Variants in ST6GALNAC3 observed in about 807,000 individuals in gnomAD.
The protein encoded by ST6GALNAC3 is ST6 N-acetylgalactosaminide alpha-2,6-sialyltransferase 3, also known as alpha-N-acetylgalactosaminide alpha-2,6-sialyltransferase 3.
A neutral mutation model predicts 32.7 loss-of-function variants in ST6GALNAC3; 25 were observed. The ratio of observed to expected loss-of-function variants is 0.76; its 90% CI spans 0.56 to 1.07. ST6GALNAC3 has a LOEUF of 1.07. Ranked by LOEUF, ST6GALNAC3 falls within the 50% of genes least tolerant of loss-of-function variation. The pLI is 0.00. For synonymous variants in ST6GALNAC3, 129 were observed against 133.1 expected, an observed-to-expected ratio of 0.97 and a Z score of 0.21; for missense variants, 355 against 382.4, an observed-to-expected ratio of 0.93 and a Z score of 0.60.
At chr1:76,264,101 G>T (rs1304803274) in intron 1 of ST6GALNAC3, among the ~76,000 whole-genome samples, 1 of 152,140 alleles carries the variant, frequency 6.6e-6, no homozygotes, top group Non-Finnish European at 1.5e-5. Flanking sequence ...GCTGGAAGGA[G>T]CCATGGAGAT....
intron 1 of ST6GALNAC3, among the ~76,000 whole-genome samples, chr1:76,232,716 T>G (rs1316377032): frequency 6.6e-6 from 1 of 152,232 alleles, no homozygotes; most frequent in Non-Finnish European, 1.5e-5. Context: ...TTCTCCTCCA[T>G]CAGGGTAACC....
chr1:76,543,413 T>A (rs1229756361), intron 3 of ST6GALNAC3, among the ~76,000 whole-genome samples: 2 of 152,214 alleles, frequency 1.3e-5, no homozygotes, highest in African/African-American at 2.4e-5. Context: ...TATTATGAAT[T>A]GGGATACTGT....
At chr1:76,307,572 A>G (rs567495321) in intron 1 of ST6GALNAC3, among the ~76,000 whole-genome samples, 44 of 152,236 alleles carry the variant, frequency 2.9e-4, no homozygotes, top group African/African-American at 1.0e-3. Context: ...TTTAATATTT[A>G]TTATTGAATA....
chr1:76,461,342 G>A (rs919465405), intron 3 of ST6GALNAC3, among the ~76,000 whole-genome samples: 28 of 152,134 alleles, frequency 1.8e-4, no homozygotes, highest in Non-Finnish European at 4.4e-5. Context: ...GCAGACTTTG[G>A]AGTTTGATAG....
At chr1:76,398,962 A>T (rs992405365) in intron 2 of ST6GALNAC3, among the ~76,000 whole-genome samples, 1 of 151,910 alleles carries the variant, frequency 6.6e-6, no homozygotes, top group Non-Finnish European at 1.5e-5. Context: ...TAAAATTGGC[A>T]TTTTCTGGAT....
intron 3 of ST6GALNAC3, among the ~76,000 whole-genome samples, chr1:76,540,661 A>G (rs1056465050): frequency 1.3e-5 from 2 of 152,178 alleles, no homozygotes; most frequent in South Asian, 4.1e-4. Flanking sequence ...TATATGGTAT[A>G]AATTGTGATA....
chr1:76,152,534 C>T (rs549203649), intron 1 of ST6GALNAC3, among the ~76,000 whole-genome samples: 4 of 152,278 alleles, frequency 2.6e-5, no homozygotes, highest in African/African-American at 7.2e-5. Flanking sequence ...GAAATGCCCA[C>T]GAGTCTTTGG....
chr1:76,426,139 C>T (rs2101410223), intron 3 of ST6GALNAC3, among the ~76,000 whole-genome samples: 1 of 151,838 alleles, frequency 6.6e-6, no homozygotes, highest in East Asian at 1.9e-4. Flanking sequence ...CAACACTCTC[C>T]CACCCCCAAC....
chr1:76,239,891 C>T (rs899549758), intron 1 of ST6GALNAC3, among the ~76,000 whole-genome samples: 3 of 152,218 alleles, frequency 2.0e-5, no homozygotes, highest in Admixed American at 6.5e-5. Context: ...TCTGTTACCT[C>T]CTTAATCTTT....
intron 1 of ST6GALNAC3, among the ~76,000 whole-genome samples, chr1:76,168,520 T>C (rs374446789): frequency 8.5e-5 from 13 of 152,210 alleles, no homozygotes; most frequent in East Asian, 7.7e-4. Context: ...CCTGAATATC[T>C]TTGTTAATTT....
chr1:76,252,502 AGAT>A (rs1331708246), intron 1 of ST6GALNAC3, among the ~76,000 whole-genome samples: 1 of 152,136 alleles, frequency 6.6e-6, no homozygotes, highest in Non-Finnish European at 1.5e-5. Flanking sequence ...GGGAAAATAC[AGAT>A]GATATTTCTA....
chr1:76,496,546 A>G (rs1290442947), intron 3 of ST6GALNAC3, among the ~76,000 whole-genome samples: 1 of 152,138 alleles, frequency 6.6e-6, no homozygotes, highest in African/African-American at 2.4e-5. Context: ...GCCATCCTGG[A>G]CAGGCCCATG....
At chr1:76,543,781 CT>C (rs1664132788) in intron 3 of ST6GALNAC3, among the ~76,000 whole-genome samples, 2 of 152,164 alleles carry the variant, frequency 1.3e-5, no homozygotes, top group Non-Finnish European at 2.9e-5. Context: ...GCCGATGTAT[CT>C]TTTTCAACCA....
intron 2 of ST6GALNAC3, among the ~76,000 whole-genome samples, chr1:76,351,270 T>C (rs1648956624): frequency 6.6e-6 from 1 of 152,186 alleles, no homozygotes; most frequent in Non-Finnish European, 1.5e-5. Context: ...TTTTGAAGAT[T>C]TCAAAGAACG....
chr1:76,591,118 G>T (rs138618506), intron 3 of ST6GALNAC3, among the ~76,000 whole-genome samples: 13 of 152,174 alleles, frequency 8.5e-5, no homozygotes, highest in East Asian at 7.7e-4. Flanking sequence ...GTTAGGAAAG[G>T]TTCCCTAAAG....
rs528549830 is a variant in ST6GALNAC3 at position 76,630,783 on chromosome 1, C to G, written c.*1977C>G. The G allele has an allele frequency of 7.1e-6, 7 of 985,594 alleles. No homozygotes were observed. The South Asian group carries it at 2.3e-4, about 33-fold the overall frequency. The allele number at this position is 985,594 out of a possible 1,614,324, so 61.1% of individuals were successfully genotyped here. On this transcript the variant is annotated 3_prime_UTR_variant, in exon 5 of 5. Transcript: ENST00000328299. ...GGAGTTGTTATTCTTTTGTTGTTCCCTTATGCAATTTTTAATTCTATGAAT... is the reference window on the plus strand; with the variant it reads ...GGAGTTGTTATTCTTTTGTTGTTCCGTTATGCAATTTTTAATTCTATGAAT...
chr1:76,570,459 A>G (rs1665794826), intron 3 of ST6GALNAC3, among the ~76,000 whole-genome samples: 1 of 151,984 alleles, frequency 6.6e-6, no homozygotes, highest in African/African-American at 2.4e-5. Context: ...TTCTTTTTAA[A>G]AATTTTTCCA....
rs576398407 is a variant in ST6GALNAC3 at position 76,470,223 on chromosome 1, C to T, written c.623+57806C>T. On this transcript the variant is annotated intron_variant, in intron 3 of 4. Transcript: ENST00000328299. ...AACAGAATAATCAAAGGATTTATTG[C>T]TTTGCCATTCTGTGCCTAGCACTGT... 1.2e-4 allele frequency among the ~76,000 whole-genome samples: 18 copies of T among 152,094 alleles called. No homozygotes were observed. In the East Asian group the frequency reaches 3.1e-3, roughly 26 times the overall value.
At chr1:76,553,473 C>A (rs1664749657) in intron 3 of ST6GALNAC3, among the ~76,000 whole-genome samples, 1 of 152,102 alleles carries the variant, frequency 6.6e-6, no homozygotes, top group Non-Finnish European at 1.5e-5. Flanking sequence ...GTTAATCAGG[C>A]TGGCCATTTG....
Sources: allele counts gnomAD v4.1 joint callset (sites outside exome capture counted in the v4.1 genomes callset), GRCh38; gene constraint gnomAD v4.1.1; transcripts MANE v1.5; gene names NCBI Gene and HGNC (gene_info 2026-07-23, HGNC 2026-07-21).